The following PGAP6 variants were observed in gnomAD, a reference collection of about 807,000 sequenced individuals.
PGAP6 encodes post-GPI attachment to proteins factor 6.
Under a neutral mutation model 68.4 loss-of-function variants are expected in PGAP6, and 62 were observed. The ratio of observed to expected loss-of-function variants is 0.91; its 90% CI spans 0.74 to 1.12. PGAP6 has a LOEUF of 1.12. PGAP6 is among the 50% of genes most tolerant of loss of function. The probability of loss-of-function intolerance (pLI) is 0.00; values close to 1 mark genes in which losing one functional copy is unlikely to be tolerated. For missense variants in PGAP6, 1,188 were observed against 1,068.5 expected, an observed-to-expected ratio of 1.11 and a Z score of -1.56; for synonymous variants, 575 against 474.0, an observed-to-expected ratio of 1.21 and a Z score of -2.77.
chr16:373,842 C>A (rs11640037), intron 11 of PGAP6, among the ~76,000 whole-genome samples, 163 bp downstream of exon 11: 83,276 of 150,498 alleles, frequency 0.55, 23,200 homozygotes, highest in South Asian at 0.67. Context: ...CATGCTCGGC[C>A]TAGGGATTAC....
At chr16:379,803 A>G (rs2054422778) in intron 1 of PGAP6, among the ~76,000 whole-genome samples, 1 of 152,200 alleles carries the variant, frequency 6.6e-6, no homozygotes, top group Admixed American at 6.5e-5. Flanking sequence ...AGGGCTCTGC[A>G]GCCCAAGCTC....
At chr16:372,489 C>T in intron 12 of PGAP6, 122 bp downstream of exon 12, 2 of 986,356 alleles carry the variant, frequency 2.0e-6, no homozygotes, top group Non-Finnish European at 3.1e-6. Flanking sequence ...GGTGCCATGG[C>T]AACCCCCAGC....
chr16:382,094 G>GC (rs2054448052), upstream of PGAP6: 1 of 359,328 alleles, frequency 2.8e-6, no homozygotes, highest in Non-Finnish European at 4.8e-6. Context: ...CGCCGGTAGG[G>GC]GGGAGGGGTC....
rs893388103 is a variant in PGAP6 at position 375,559 on chromosome 16, G to C, written c.1225-124C>G. On this transcript the variant is annotated intron_variant, in intron 6 of 12. Coordinates refer to ENST00000431232, the MANE Select transcript of PGAP6 (RefSeq NM_021259.3). ...TTTTTTTTTTTTTTTCTGAGATGGA[G>C]TCTTGCTCTGTCGCCCAGGCTGGAG... 23 of 767,714 alleles carry C rather than the reference G, an allele frequency of 3.0e-5. No individual in the cohort carries two copies. In the African/African-American group the frequency reaches 3.0e-4, roughly 10 times the overall value. The allele number at this position is 767,714 out of a possible 1,614,324, so 47.6% of individuals were successfully genotyped here.
intron 1 of PGAP6, among the ~76,000 whole-genome samples, chr16:379,151 G>A (rs572986758): frequency 1.3e-5 from 2 of 152,292 alleles, no homozygotes; most frequent in Admixed American, 1.3e-4. Flanking sequence ...AGCAGGGGGC[G>A]GGACCCTCCC....
chr16:385,911 A>G (rs1597171215), upstream of PGAP6, among the ~76,000 whole-genome samples: 1 of 152,276 alleles, frequency 6.6e-6, no homozygotes, highest in East Asian at 1.9e-4. Flanking sequence ...GGCGTGAGCC[A>G]CCGCGCCCGG....
At position 374,854 on chromosome 16, in the gene PGAP6, A is replaced by G. The variant is rs568910617; in HGVS notation, c.1478T>C (p.Leu493Ser). 5.0e-6 allele frequency: 8 copies of G among 1,612,892 alleles called. No individual in the cohort carries two copies. The African/African-American group carries it at 5.3e-5, about 11-fold the overall frequency. ...ATCGTTCAAACAGGGCACCAGGTAC[A>G]AGGTGGTCTCCACGTGGACCACAGC... is the stretch of plus-strand genomic sequence containing the variant. ...EQAVVHVETTLYLVPCLNDCG... is the reference protein window; with the variant it reads ...EQAVVHVETTSYLVPCLNDCG... Residue 493 changes from leucine (L) to serine (S), a missense_variant, in exon 9 of 13, where the codon TTG (leucine) becomes TCG (serine). By Grantham distance (145) the Leu-to-Ser change is moderately radical (BLOSUM62 -2). Transcript: ENST00000431232.
chr16:386,725 C>CAAAAA, upstream of PGAP6: 2 of 283,142 alleles, frequency 7.1e-6, no homozygotes, highest in South Asian at 2.6e-5. Context: ...AAAAAAAAAA[C>CAAAAA]CAAAAAAAAA....
upstream of PGAP6, chr16:382,055 C>G (rs1308164767): frequency 2.1e-6 from 1 of 477,850 alleles, no homozygotes; most frequent in Non-Finnish European, 2.9e-6. Context: ...GGGGGGGGCG[C>G]GGACGCCGGG....
chr16:374,417 C>T lies in PGAP6; in HGVS notation c.1577-18G>A, dbSNP rs781139660. 1.2e-5 allele frequency: 18 copies of T among 1,550,138 alleles called. No homozygotes were observed. Among genetic ancestry groups the T allele is most frequent in the Admixed American group, 5.5e-5 (3 of 54,688 alleles). ...ACGCCAGCCTGCGGTCACAAAACCCCGACGCGGAGGCTGGGGGCACTGCTG... is the reference window on the plus strand; with the variant it reads ...ACGCCAGCCTGCGGTCACAAAACCCTGACGCGGAGGCTGGGGGCACTGCTG... On this transcript the variant is annotated intron_variant, in intron 9 of 12. Transcript: ENST00000431232.
Position 377,198 on chromosome 16 carries a change from TCAGAGAATG to T in PGAP6, c.508-43_508-35del, listed in dbSNP as rs780096001. 3.7e-6 allele frequency: 6 copies of T among 1,611,768 alleles called. No individual in the cohort carries two copies. In the African/African-American group the frequency reaches 8.0e-5, roughly 22 times the overall value. On this transcript the variant is annotated intron_variant, in intron 3 of 12. Coordinates refer to ENST00000431232, the MANE Select transcript of PGAP6 (RefSeq NM_021259.3). Reference sequence around the variant, plus strand: ...AGAACAGGTGTGGGCGGGGGCGGTGTCAGAGAATGCAGGTGTGAGGGCATGGTCTCACCA... The same window carrying T: ...AGAACAGGTGTGGGCGGGGGCGGTGTCAGGTGTGAGGGCATGGTCTCACCA...
Position 374,768 on chromosome 16 carries a change from T to G in PGAP6, c.1564A>C (p.Ser522Arg), listed in dbSNP as rs926448997. The G allele has an allele frequency of 1.6e-5, 26 of 1,612,538 alleles. No homozygotes were observed. Among genetic ancestry groups the G allele is most frequent in the Non-Finnish European group, 2.2e-5 (26 of 1,179,932 alleles). ...CCCTGGCACTCACCTGCCTTGCAGCTGCAGCTGGCATACAGGTAGCTGTGT... is the reference window on the plus strand; with the variant it reads ...CCCTGGCACTCACCTGCCTTGCAGCGGCAGCTGGCATACAGGTAGCTGTGT... ...RRHSYLYASCSCKAGWRGWSC... is the reference protein window; with the variant it reads ...RRHSYLYASCRCKAGWRGWSC... The change falls in exon 9 of 13, where the codon AGC (serine) becomes CGC (arginine). Residue 522 changes from serine to arginine, a missense_variant. Ser to Arg is a moderately radical substitution (Grantham distance 110). Transcript: ENST00000431232.
intron 1 of PGAP6, among the ~76,000 whole-genome samples, chr16:378,630 C>T (rs900298060): frequency 6.6e-6 from 1 of 152,218 alleles, no homozygotes; most frequent in Non-Finnish European, 1.5e-5. Context: ...ATCACAGATG[C>T]CCTGGATATC....
At position 377,511 on chromosome 16, in the gene PGAP6, G is replaced by A; in HGVS notation, c.374C>T (p.Pro125Leu). Residue 125 changes from proline (P) to leucine (L), a missense_variant, in exon 3 of 13, where the codon CCC becomes CTC. Transcript: ENST00000431232. ...CAGCGGCACCCCGACCTGGAAGGAG[G>A]GCTGTACCGCGGTGTCGTCCGGGAA... is the stretch of plus-strand genomic sequence containing the variant. The part of the protein sequence containing the change: ...TSFPDDTAVQ[P>L]SFQVGVPLST... The A allele has an allele frequency of 6.2e-7, 1 of 1,601,648 alleles. No individual in the cohort carries two copies. Among genetic ancestry groups the A allele is most frequent in the Non-Finnish European group, 8.5e-7 (1 of 1,174,892 alleles).
Position 375,118 on chromosome 16 carries a change from C to G in PGAP6, c.1439+15G>C, listed in dbSNP as rs759390679. 1 of 1,612,500 alleles carries G rather than the reference C, an allele frequency of 6.2e-7. No homozygotes were observed. Among genetic ancestry groups the G allele is most frequent in the Admixed American group, 1.7e-5 (1 of 59,928 alleles). On this transcript the variant is annotated intron_variant, in intron 8 of 12. Coordinates refer to ENST00000431232, the MANE Select transcript of PGAP6 (RefSeq NM_021259.3). ...CAGGGTGCCTGGCCCCCGTCTCTGCCCTAGGTTTACTTACTCAGCATTCTC... is the reference window on the plus strand; with the variant it reads ...CAGGGTGCCTGGCCCCCGTCTCTGCGCTAGGTTTACTTACTCAGCATTCTC...
At chr16:377,294 G>A in intron 3 of PGAP6, 84 bp downstream of exon 3, 1 of 1,566,490 alleles carries the variant, frequency 6.4e-7, no homozygotes, top group Non-Finnish European at 8.7e-7. Context: ...CCTAGAGCGA[G>A]GACCACCCCA....
At chr16:385,497 G>A (rs2054475834), upstream of PGAP6, among the ~76,000 whole-genome samples, 1 of 149,682 alleles carries the variant, frequency 6.7e-6, no homozygotes, top group Non-Finnish European at 1.5e-5. Context: ...GTTTTTAGTA[G>A]AGATGGGATT....
At chr16:374,529 G>A (rs576288080) in intron 9 of PGAP6, 130 bp from the exon 10 acceptor site, 35 of 1,199,468 alleles carry the variant, frequency 2.9e-5, no homozygotes, top group Middle Eastern at 2.9e-4. Context: ...GGCGGGCGGG[G>A]TCCAAGGTCA....
chr16:381,649 C>T (rs1256792151), intron 1 of PGAP6, 52 bp downstream of exon 1: 41 of 1,167,726 alleles, frequency 3.5e-5, no homozygotes, highest in Non-Finnish European at 4.1e-5. Flanking sequence ...AATCCCGCCC[C>T]GCCCGCAGCC....
Sources: gnomAD v4.1 joint callset for allele counts (sites outside exome capture counted in the v4.1 genomes callset) on GRCh38, gnomAD v4.1.1 for gene constraint, MANE v1.5 for transcripts, NCBI Gene and HGNC (gene_info 2026-07-23, HGNC 2026-07-21) for gene names.